Variants in WDPCP observed in about 807,000 individuals in gnomAD.
WDPCP encodes WD repeat-containing and planar cell polarity effector protein fritz homolog.
WDPCP carries 71 observed loss-of-function variants against 93.1 expected under a neutral mutation model. The observed-to-expected ratio is 0.76, with a 90% CI of 0.63 to 0.93. The LOEUF (loss-of-function observed/expected upper bound fraction) is 0.93. Ranked by LOEUF, WDPCP falls within the 40% of genes least tolerant of loss-of-function variation. WDPCP has a pLI of 0.00. For missense variants in WDPCP, 844 were observed against 887.4 expected (o/e 0.95, Z 0.62); for synonymous variants, 315 against 315.0 (o/e 1.00, Z 0.00).
chr2:63,589,419 C>T (rs1709107780), upstream of WDPCP: 2 of 1,535,628 alleles, frequency 1.3e-6, no homozygotes, highest in African/African-American at 2.7e-5. Context: ...GGTCCTAACC[C>T]CTTTTTCTCC....
chr2:63,262,152 T>G (rs1184737344), intron 13 of WDPCP, among the ~76,000 whole-genome samples: 1 of 152,176 alleles, frequency 6.6e-6, no homozygotes, highest in Non-Finnish European at 1.5e-5. Context: ...TGCCCTTGAC[T>G]GGTATCAAGA....
intron 1 of WDPCP, among the ~76,000 whole-genome samples, chr2:63,549,542 G>C (rs1220960043): frequency 6.6e-6 from 1 of 152,194 alleles, no homozygotes; most frequent in Non-Finnish European, 1.5e-5. Flanking sequence ...GCCGAGGCGG[G>C]TGGATCACAA....
intron 9 of WDPCP, among the ~76,000 whole-genome samples, chr2:63,410,696 A>C (rs1694959549): frequency 6.6e-6 from 1 of 152,230 alleles, no homozygotes; most frequent in Admixed American, 6.5e-5. Flanking sequence ...GGGATGGAAA[A>C]AGGCATTTCA....
chr2:63,119,646 A>G lies in WDPCP; in HGVS notation c.*2360T>C, dbSNP rs1669449602. The G allele has an allele frequency of 6.6e-6, 1 of 152,192 alleles. No homozygotes were observed. The highest frequency in any genetic ancestry group is 2.1e-4 in the South Asian group (1 of 4,832). 9.4% of individuals were successfully genotyped at this position (152,192 alleles called of 1,614,324 possible). A position where few individuals can be genotyped will look rare whatever the true frequency, so the allele number is the denominator to read the frequency against. On this transcript the variant is annotated 3_prime_UTR_variant, in exon 18 of 18. Transcript: ENST00000272321. The stretch of plus-strand genomic sequence containing the variant: ...CTGTGGAAATTACCTCAGATCTGAG[A>G]AATCTGGAAAATAGTTGAAAAAGCT...
intron 2 of WDPCP, among the ~76,000 whole-genome samples, chr2:63,774,771 C>T (rs544982157): frequency 6.6e-6 from 1 of 152,130 alleles, no homozygotes; most frequent in African/African-American, 2.4e-5. Context: ...GAATCCCCAC[C>T]TCTCAGTTTC....
chr2:63,745,532 G>T (rs1378506000), intron 2 of WDPCP, among the ~76,000 whole-genome samples: 1 of 152,124 alleles, frequency 6.6e-6, no homozygotes, highest in Non-Finnish European at 1.5e-5. Flanking sequence ...ACAAGGTAAT[G>T]ATTTTTCAAC....
intron 12 of WDPCP, among the ~76,000 whole-genome samples, chr2:63,342,265 G>T (rs968506037): frequency 1.3e-5 from 2 of 152,076 alleles, no homozygotes; most frequent in Non-Finnish European, 2.9e-5. Flanking sequence ...ATGGTACCTG[G>T]GGATTGGGGA....
At chr2:63,340,430 G>A (rs1688757057) in intron 12 of WDPCP, among the ~76,000 whole-genome samples, 1 of 152,162 alleles carries the variant, frequency 6.6e-6, no homozygotes. Flanking sequence ...TTCCAGGGTG[G>A]AGGATAGTAG....
At chr2:63,708,334 C>T (rs563545542) in intron 2 of WDPCP, among the ~76,000 whole-genome samples, 63 of 152,322 alleles carry the variant, frequency 4.1e-4, no homozygotes, top group African/African-American at 1.3e-3. Context: ...TGGCGGGCCC[C>T]CCTCCCCCAG....
intron 12 of WDPCP, among the ~76,000 whole-genome samples, chr2:63,368,364 C>T (rs142110637): frequency 0.016 from 2,396 of 151,676 alleles, 53 homozygotes; most frequent in African/African-American, 0.052. Flanking sequence ...CTCGCTCTGT[C>T]GCCCAGGCTG....
At chr2:63,808,828 C>A (rs1670813596) in intron 2 of WDPCP, among the ~76,000 whole-genome samples, 1 of 151,854 alleles carries the variant, frequency 6.6e-6, no homozygotes, top group Admixed American at 6.6e-5. Context: ...AGGAGCCCCT[C>A]TGCCTGGCTG....
chr2:63,256,704 G>A (rs1559253013), intron 14 of WDPCP, among the ~76,000 whole-genome samples: 1 of 152,068 alleles, frequency 6.6e-6, no homozygotes, highest in Non-Finnish European at 1.5e-5. Context: ...ATCTAAAGTA[G>A]AATAAATTGA....
At chr2:63,724,073 A>C (rs1460329478) in intron 2 of WDPCP, among the ~76,000 whole-genome samples, 2 of 152,232 alleles carry the variant, frequency 1.3e-5, no homozygotes, top group African/African-American at 4.8e-5. Flanking sequence ...CAATTTGAGC[A>C]GTTTCTATGA....
At chr2:63,532,809 C>G (rs561995027) in intron 1 of WDPCP, among the ~76,000 whole-genome samples, 4 of 152,106 alleles carry the variant, frequency 2.6e-5, no homozygotes. Flanking sequence ...AACTAACGAG[C>G]AAAATAACCA....
chr2:63,145,087 C>T (rs1307401418), intron 17 of WDPCP, among the ~76,000 whole-genome samples: 4 of 152,152 alleles, frequency 2.6e-5, no homozygotes, highest in African/African-American at 9.7e-5. Flanking sequence ...GGGTTGTCTG[C>T]ACAGAGTCCT....
At chr2:63,131,117 G>C (rs1395862995) in intron 17 of WDPCP, among the ~76,000 whole-genome samples, 4 of 152,036 alleles carry the variant, frequency 2.6e-5, no homozygotes, top group Admixed American at 2.6e-4. Context: ...CAGAGTGTTA[G>C]AGTTTTTAAA....
chr2:63,823,541 C>T (rs1378303994), intron 1 of WDPCP, among the ~76,000 whole-genome samples: 1 of 151,894 alleles, frequency 6.6e-6, no homozygotes, highest in South Asian at 2.1e-4. Flanking sequence ...CTTTTCCAAC[C>T]TACATAAAAG....
intron 13 of WDPCP, among the ~76,000 whole-genome samples, chr2:63,302,905 C>G (rs1288489144): frequency 6.6e-6 from 1 of 152,216 alleles, no homozygotes; most frequent in Non-Finnish European, 1.5e-5. Context: ...CCTGTAAACA[C>G]ATGGCAATAT....
intron 9 of WDPCP, among the ~76,000 whole-genome samples, chr2:63,433,497 T>G (rs908709253): frequency 6.6e-6 from 1 of 152,200 alleles, no homozygotes; most frequent in Admixed American, 6.5e-5. Context: ...GTTAGTAACT[T>G]GGTCAAGGAC....
Sources: gnomAD v4.1 joint callset for allele counts (sites outside exome capture counted in the v4.1 genomes callset) on GRCh38, gnomAD v4.1.1 for gene constraint, MANE v1.5 for transcripts, NCBI Gene and HGNC (gene_info 2026-07-23, HGNC 2026-07-21) for gene names.